Variants in VPS8 observed in about 807,000 individuals in gnomAD.
VPS8 encodes the protein VPS8 subunit of CORVET complex, also known as vacuolar protein sorting-associated protein 8 homolog.
In VPS8, 129 loss-of-function variants were observed where a neutral mutation model predicts 216.4. The ratio of observed to expected loss-of-function variants is 0.60; its 90% CI spans 0.52 to 0.69. VPS8 has a LOEUF of 0.69. Ranked by LOEUF, VPS8 falls within the 30% of genes least tolerant of loss-of-function variation. The pLI is 0.00. For missense variants in VPS8, 1,531 were observed against 1,683.5 expected (o/e 0.91, Z 1.59); for synonymous variants, 571 against 565.4 (o/e 1.01, Z -0.14).
At chr3:184,861,083 A>G (rs1212847620) in intron 15 of VPS8, among the ~76,000 whole-genome samples, 1 of 152,056 alleles carries the variant, frequency 6.6e-6, no homozygotes, top group East Asian at 1.9e-4. Flanking sequence ...CAGCCTCCCA[A>G]AGTGCTGGGA....
chr3:184,852,408 A>G (rs1223142441), intron 10 of VPS8, 92 bp from the exon 11 acceptor site: 8 of 1,024,192 alleles, frequency 7.8e-6, no homozygotes, highest in East Asian at 2.5e-5. Context: ...TTAAATGTGT[A>G]TATTGTAGTT....
At position 184,999,934 on chromosome 3, in the gene VPS8, C is replaced by T. The variant is rs558880209; in HGVS notation, c.4002+73C>T. On this transcript the variant is annotated intron_variant, in intron 45 of 47. Coordinates refer to ENST00000625842, the MANE Select transcript of VPS8 (RefSeq NM_001009921.3). ...TGTCATTTGGGCCTGGTCTCATTTC[C>T]TTCGGTTCCATAGGTCTCAACAAAT... 4 of 1,483,774 alleles carry T rather than the reference C, an allele frequency of 2.7e-6. No individual in the cohort carries two copies. The African/African-American group carries it at 4.2e-5, about 16-fold the overall frequency. 91.9% of individuals were successfully genotyped at this position (1,483,774 alleles called of 1,614,324 possible).
chr3:184,885,160 A>G (rs1200685443), intron 21 of VPS8, among the ~76,000 whole-genome samples: 1 of 152,192 alleles, frequency 6.6e-6, no homozygotes, highest in African/African-American at 2.4e-5. Flanking sequence ...CTCTCAAATA[A>G]TAAGAGTTCC....
chr3:184,815,371 C>A (rs1017645540), intron 1 of VPS8, among the ~76,000 whole-genome samples: 1 of 152,118 alleles, frequency 6.6e-6, no homozygotes, highest in African/African-American at 2.4e-5. Flanking sequence ...ATGAGTAATG[C>A]ATTCATTACA....
chr3:184,957,600 G>GA (rs1475884587), intron 37 of VPS8, 79 bp downstream of exon 37: 4 of 1,417,712 alleles, frequency 2.8e-6, no homozygotes, highest in Admixed American at 2.8e-5. Context: ...AAGACAAGGG[G>GA]AAAAAATATA....
At chr3:185,045,492 C>T (rs558471006) in intron 46 of VPS8, among the ~76,000 whole-genome samples, 7 of 151,932 alleles carry the variant, frequency 4.6e-5, no homozygotes, top group South Asian at 4.1e-4. Flanking sequence ...GGTCTGTGAC[C>T]GGGCACGGTG....
intron 42 of VPS8, among the ~76,000 whole-genome samples, chr3:184,983,380 T>C (rs558607593): frequency 2.0e-5 from 3 of 152,312 alleles, no homozygotes; most frequent in East Asian, 3.9e-4. Flanking sequence ...AAGTTTCCTA[T>C]TGGTTTGCTA....
intron 45 of VPS8, among the ~76,000 whole-genome samples, chr3:185,020,745 A>G (rs1476350405): frequency 6.6e-6 from 1 of 152,198 alleles, no homozygotes; most frequent in Non-Finnish European, 1.5e-5. Flanking sequence ...CTGGTATTAC[A>G]GGTATAAGAT....
At chr3:184,917,313 A>G (rs1235675819) in intron 28 of VPS8, among the ~76,000 whole-genome samples, 3 of 152,276 alleles carry the variant, frequency 2.0e-5, no homozygotes, top group African/African-American at 4.8e-5. Flanking sequence ...TCTTTTAAGT[A>G]TAAGGAGAAG....
chr3:185,014,572 A>C (rs1755518118), intron 45 of VPS8, among the ~76,000 whole-genome samples: 1 of 152,180 alleles, frequency 6.6e-6, no homozygotes. Context: ...CTGTCTTTGC[A>C]GCTGGTTTCT....
Position 184,852,560 on chromosome 3 carries a change from A to T in VPS8, c.814A>T (p.Thr272Ser). 1 of 1,613,456 alleles carries T rather than the reference A, an allele frequency of 6.2e-7. No homozygotes were observed. Among genetic ancestry groups the T allele is most frequent in the Non-Finnish European group, 8.5e-7 (1 of 1,179,616 alleles). ...NDSGGSVFELTFKRVMGVRTC... is the reference protein window; with the variant it reads ...NDSGGSVFELSFKRVMGVRTC... ...CAGCGGAGGCTCTGTTTTTGAATTG[A>T]CATTTAAGTAAGAGACTAGTGGACA... is the stretch of plus-strand genomic sequence containing the variant. Residue 272 changes from threonine to serine, a missense_variant, in exon 11 of 48, where the codon ACA becomes TCA. Physicochemically the swap from Thr to Ser is moderately conservative, Grantham distance 58 (BLOSUM62 1). Coordinates refer to ENST00000625842, the MANE Select transcript of VPS8 (RefSeq NM_001009921.3).
chr3:184,964,753 T>TA (rs1002889391), intron 38 of VPS8, among the ~76,000 whole-genome samples, 196 bp downstream of exon 38: 3 of 151,970 alleles, frequency 2.0e-5, no homozygotes, highest in African/African-American at 4.8e-5. Context: ...TGTACAACAG[T>TA]AAAAAAAAGT....
At chr3:184,954,975 G>C (rs528967807) in intron 36 of VPS8, among the ~76,000 whole-genome samples, 1 of 152,292 alleles carries the variant, frequency 6.6e-6, no homozygotes, top group East Asian at 1.9e-4. Context: ...ACGGGATATT[G>C]TGAGAAGTGA....
At chr3:184,836,263 A>G in intron 5 of VPS8, 3 of 456,708 alleles carry the variant, frequency 6.6e-6, no homozygotes, top group South Asian at 3.1e-5. Flanking sequence ...AGTAACTCAT[A>G]TTTGCTAGAA....
At chr3:184,837,685 G>C (rs1296925529) in intron 5 of VPS8, among the ~76,000 whole-genome samples, 1 of 152,166 alleles carries the variant, frequency 6.6e-6, no homozygotes, top group African/African-American at 2.4e-5. Context: ...TTGTTAAATA[G>C]AGTCTGTAGA....
chr3:184,825,900 C>CAAA (rs933953308), intron 2 of VPS8, among the ~76,000 whole-genome samples: 2 of 97,592 alleles, frequency 2.0e-5, no homozygotes, highest in Non-Finnish European at 2.2e-5. Flanking sequence ...GACTCTGTCT[C>CAAA]AAAAAAAAAA....
intron 46 of VPS8, among the ~76,000 whole-genome samples, chr3:185,026,885 A>G (rs183352982): frequency 6.7e-6 from 1 of 149,890 alleles, no homozygotes; most frequent in East Asian, 2.0e-4. Flanking sequence ...ATTTTTTTGT[A>G]TTTCCAGTAG....
intron 40 of VPS8, among the ~76,000 whole-genome samples, chr3:184,975,918 G>A (rs2109684284): frequency 6.6e-6 from 1 of 152,172 alleles, no homozygotes; most frequent in Middle Eastern, 3.4e-3. Context: ...GCGTATTACA[G>A]TCAACCCTTG....
chr3:185,023,390 T>G (rs1422080334), intron 45 of VPS8, among the ~76,000 whole-genome samples: 8 of 152,174 alleles, frequency 5.3e-5, no homozygotes, highest in Non-Finnish European at 8.8e-5. Context: ...CTGATAGTAG[T>G]CTTTGCTCTA....
Sources: gnomAD v4.1 joint callset for allele counts (sites outside exome capture counted in the v4.1 genomes callset) on GRCh38, gnomAD v4.1.1 for gene constraint, MANE v1.5 for transcripts, NCBI Gene and HGNC (gene_info 2026-07-23, HGNC 2026-07-21) for gene names.